SLC5A1: variants seen among roughly 807,000 people sequenced by gnomAD.
SLC5A1 encodes solute carrier family 5 member 1, also known as sodium/glucose cotransporter 1.
A neutral mutation model predicts 73.5 loss-of-function variants in SLC5A1; 42 were observed. The observed-to-expected ratio is 0.57, with a 90% confidence interval of 0.45 to 0.74. SLC5A1 has a LOEUF of 0.74. Ranked by LOEUF, SLC5A1 falls within the 30% of genes least tolerant of loss-of-function variation. The probability of loss-of-function intolerance (pLI) is 0.00; values close to 1 mark genes in which losing one functional copy is unlikely to be tolerated. For synonymous variants in SLC5A1, 300 were observed against 317.4 expected, an observed-to-expected ratio of 0.95 and a Z score of 0.58; for missense variants, 634 against 855.4, an observed-to-expected ratio of 0.74 and a Z score of 3.23.
Position 32,102,199 on chromosome 22 carries a change from G to A in SLC5A1, c.1627G>A (p.Val543Ile). ...CGCCATTTCTTTCATCACCATCGTGGTCATCTCCCTCCTCACCAAACCCAT... is the reference window on the plus strand; with the variant it reads ...CGCCATTTCTTTCATCACCATCGTGATCATCTCCCTCCTCACCAAACCCAT... ...LFAISFITIVVISLLTKPIPD... is the reference protein window; with the variant it reads ...LFAISFITIVIISLLTKPIPD... The change falls in exon 13 of 15, where the codon GTC (valine) becomes ATC (isoleucine). Residue 543 changes from valine (V) to isoleucine (I), a missense_variant. Val to Ile is a conservative substitution (Grantham distance 29, BLOSUM62 3). Around this residue, in one of 3 missense-constraint regions of SLC5A1, gnomAD observed 161 missense variants for 178.7 expected, o/e 0.90. Transcript: ENST00000266088. The A allele has an allele frequency of 1.2e-6, 2 of 1,614,002 alleles. No individual in the cohort carries two copies. Among genetic ancestry groups the A allele is most frequent in the Non-Finnish European group, 1.7e-6 (2 of 1,180,012 alleles).
intron 2 of SLC5A1, among the ~76,000 whole-genome samples, chr22:32,061,189 T>C (rs997210688): frequency 1.3e-5 from 2 of 152,254 alleles, no homozygotes; most frequent in Admixed American, 1.3e-4. Flanking sequence ...TTTGGGAGGC[T>C]GAGGCGGGCA....
intron 2 of SLC5A1, among the ~76,000 whole-genome samples, chr22:32,052,498 G>A (rs2093946364): frequency 6.6e-6 from 1 of 152,114 alleles, no homozygotes. Context: ...AGGAAGAGAG[G>A]GAACCAGGCA....
At chr22:32,093,343 T>A (rs185225389) in intron 11 of SLC5A1, among the ~76,000 whole-genome samples, 1 of 152,184 alleles carries the variant, frequency 6.6e-6, no homozygotes, top group Non-Finnish European at 1.5e-5. Flanking sequence ...CTGTGAAGAA[T>A]GATGGTGGTA....
rs1362706235 is a variant in SLC5A1, at chr22:32,084,986, C to T, written c.972C>T (p.Pro324=). ...CILCGYLKLM[P]MFIMVMPGMI... ...TGTGTGGGTATCTAAAGCTGATGCC[C>T]ATGTTCATCATGGTGATGCCAGGAA... Residue 324 remains proline (P), a synonymous_variant, in exon 9 of 15, where the codon CCC becomes CCT. Coordinates refer to ENST00000266088, the MANE Select transcript of SLC5A1 (RefSeq NM_000343.4). 2 of 1,614,170 alleles carry T rather than the reference C, an allele frequency of 1.2e-6. No individual in the cohort carries two copies. The highest frequency in any genetic ancestry group is 1.7e-6 in the Non-Finnish European group (2 of 1,180,030).
rs756341617 is a variant in SLC5A1, at chr22:32,088,268, C to T, written c.1129+1941C>T. 4.6e-4 allele frequency among the ~76,000 whole-genome samples: 70 copies of T among 151,666 alleles called. 1 individual carries two copies. The highest frequency in any genetic ancestry group is 1.2e-3 in the Admixed American group (18 of 15,240). ...ATGTGTGGCATGCAGAATAAAATGCCGTGCTTCCCTGTGCCATTGCTAGTC... is the reference window on the plus strand; with the variant it reads ...ATGTGTGGCATGCAGAATAAAATGCTGTGCTTCCCTGTGCCATTGCTAGTC... On this transcript the variant is annotated intron_variant, in intron 10 of 14. Coordinates refer to ENST00000266088, the MANE Select transcript of SLC5A1 (RefSeq NM_000343.4).
chr22:32,049,015 A>C (rs2093940770), intron 1 of SLC5A1, among the ~76,000 whole-genome samples: 1 of 151,618 alleles, frequency 6.6e-6, no homozygotes, highest in Non-Finnish European at 1.5e-5. Flanking sequence ...GAGAGGTTGC[A>C]GTGAGCCAAG....
At chr22:32,052,710 G>A (rs1274540008) in intron 2 of SLC5A1, among the ~76,000 whole-genome samples, 1 of 151,956 alleles carries the variant, frequency 6.6e-6, no homozygotes, top group Non-Finnish European at 1.5e-5. Context: ...CTAGGCCTAC[G>A]CTTTTCTTAA....
intron 5 of SLC5A1, among the ~76,000 whole-genome samples, chr22:32,071,727 T>A (rs924113240): frequency 6.6e-6 from 1 of 152,072 alleles, no homozygotes; most frequent in Non-Finnish European, 1.5e-5. Flanking sequence ...ATTGGTCCAA[T>A]CTCAGTATCT....
intron 2 of SLC5A1, 35 bp downstream of exon 2, chr22:32,050,049 C>T: frequency 1.3e-6 from 2 of 1,537,654 alleles, no homozygotes; most frequent in South Asian, 2.2e-5. Flanking sequence ...TACATAACTG[C>T]TTAACTGATA....
rs546450663 is a variant in SLC5A1, at chr22:32,058,717, C to T, written c.208-8218C>T. Among the ~76,000 whole-genome samples the T allele has an allele frequency of 1.3e-4, 20 of 152,284 alleles. No homozygotes were observed. The South Asian group carries it at 2.9e-3, about 22-fold the overall frequency. The stretch of plus-strand genomic sequence containing the variant: ...TTAACATTAAAAAAATCCTATTTGA[C>T]GGACTAACCTATAAGGTCAGTTCCC... On this transcript the variant is annotated intron_variant, in intron 2 of 14. Transcript: ENST00000266088.
intron 5 of SLC5A1, among the ~76,000 whole-genome samples, chr22:32,072,613 C>G (rs1040229361): frequency 6.6e-6 from 1 of 152,156 alleles, no homozygotes; most frequent in African/African-American, 2.4e-5. Context: ...GTGCTATTAT[C>G]ATATCTAACA....
At chr22:32,100,293 A>C (rs2094034102) in intron 12 of SLC5A1, among the ~76,000 whole-genome samples, 1 of 152,224 alleles carries the variant, frequency 6.6e-6, no homozygotes, top group South Asian at 2.1e-4. Flanking sequence ...AATGAGGCCA[A>C]TTTGACTTCT....
At chr22:32,094,853 T>C (rs2149495203) in intron 11 of SLC5A1, among the ~76,000 whole-genome samples, 1 of 152,206 alleles carries the variant, frequency 6.6e-6, no homozygotes, top group Admixed American at 6.5e-5. Context: ...AGTTCTGCCC[T>C]GATCTTGGTT....
At chr22:32,102,372 C>T in intron 13 of SLC5A1, 135 bp downstream of exon 13, 1 of 713,180 alleles carries the variant, frequency 1.4e-6, no homozygotes, top group African/African-American at 1.8e-5. Flanking sequence ...TGTTTTGATA[C>T]AGGCATACAA....
At chr22:32,098,302 G>A (rs919826861) in intron 11 of SLC5A1, among the ~76,000 whole-genome samples, 1 of 152,156 alleles carries the variant, frequency 6.6e-6, no homozygotes, top group African/African-American at 2.4e-5. Flanking sequence ...GATCATATAT[G>A]GTCTTGTATT....
At chr22:32,081,279 C>A (rs1002008686) in intron 5 of SLC5A1, among the ~76,000 whole-genome samples, 1 of 152,136 alleles carries the variant, frequency 6.6e-6, no homozygotes, top group Non-Finnish European at 1.5e-5. Context: ...ATAAAACCAG[C>A]AAGTACCAAG....
chr22:32,098,943 G>A (rs944928055), intron 11 of SLC5A1, among the ~76,000 whole-genome samples: 14 of 151,372 alleles, frequency 9.2e-5, no homozygotes, highest in East Asian at 3.9e-4. Flanking sequence ...AAAATTAGCC[G>A]GGCGTGGTGG....
chr22:32,070,544 G>A (rs1284653788), intron 5 of SLC5A1, among the ~76,000 whole-genome samples: 1 of 151,802 alleles, frequency 6.6e-6, no homozygotes, highest in Non-Finnish European at 1.5e-5. Flanking sequence ...ATGTTGCCCA[G>A]GCTGATCTCA....
In SLC5A1 at chr22:32,058,294, G is replaced by T. The variant is rs117038623; in HGVS notation, c.207+8280G>T. 9.2e-5 allele frequency among the ~76,000 whole-genome samples: 14 copies of T among 152,254 alleles called. 1 individual carries two copies. In the East Asian group the frequency reaches 2.7e-3, roughly 29 times the overall value. On this transcript the variant is annotated intron_variant, in intron 2 of 14. Transcript: ENST00000266088. ...CCTAGCACTTTGGGAAGCCAAACTG[G>T]GAGGAAAGCTTGAGGTCAGGAGTTT...
Sources: allele counts gnomAD v4.1 joint callset (sites outside exome capture counted in the v4.1 genomes callset), GRCh38; gene constraint gnomAD v4.1.1; regional missense constraint gnomAD v4.1.1; transcripts MANE v1.5; gene names NCBI Gene and HGNC (gene_info 2026-07-23, HGNC 2026-07-21).